The following PALS1 variants were observed in gnomAD, a reference collection of about 807,000 sequenced individuals.
The protein encoded by PALS1 is protein associated with LIN7 1, MAGUK p55 family member.
In PALS1, 31 loss-of-function variants were observed where a neutral mutation model predicts 78.9. The observed-to-expected ratio is 0.39, with a 90% CI of 0.30 to 0.53. The LOEUF is 0.53. Among genes scored for constraint, PALS1 ranks in the 20% least tolerant of loss-of-function variants. The pLI is 0.67. For missense variants in PALS1, 704 were observed against 826.5 expected (o/e 0.85, Z 1.82); for synonymous variants, 276 against 270.9 (o/e 1.02, Z -0.18).
intron 8 of PALS1, among the ~76,000 whole-genome samples, chr14:67,309,001 A>G (rs2085050260): frequency 6.6e-6 from 1 of 152,060 alleles, no homozygotes; most frequent in Admixed American, 6.6e-5. Context: ...CAGCTTATAG[A>G]TATTAAAAAA....
intron 3 of PALS1, among the ~76,000 whole-genome samples, chr14:67,290,718 A>G (rs2084758251): frequency 1.3e-5 from 2 of 151,952 alleles, no homozygotes; most frequent in Admixed American, 6.6e-5. Context: ...TTTTTTTAGT[A>G]GAGACAGGGC....
chr14:67,307,620 C>A (rs985843644), intron 8 of PALS1, among the ~76,000 whole-genome samples: 1 of 151,990 alleles, frequency 6.6e-6, no homozygotes, highest in African/African-American at 2.4e-5. Flanking sequence ...ACATTTATTT[C>A]TTGGTGGATG....
Position 67,321,214 on chromosome 14 carries a change from A to G in PALS1, c.1695A>G (p.Gln565=). The G allele has an allele frequency of 6.2e-7, 1 of 1,614,244 alleles. No homozygotes were observed. Among genetic ancestry groups the G allele is most frequent in the Non-Finnish European group, 8.5e-7 (1 of 1,180,032 alleles). ...LYGTSIDSVR[Q]VINSGKICLL... ...GAACTAGCATAGATTCTGTACGGCA[A>G]GTGATCAACTCTGGCAAAATATGTC... Residue 565 remains glutamine, a synonymous_variant, in exon 13 of 15, where the codon CAA becomes CAG. Transcript: ENST00000261681.
intron 3 of PALS1, among the ~76,000 whole-genome samples, chr14:67,289,052 C>T (rs1486109528): frequency 4.6e-5 from 7 of 150,694 alleles, no homozygotes; most frequent in South Asian, 2.1e-4. Context: ...CTGCAACCTC[C>T]GCCACCCAGG....
At chr14:67,308,890 A>G (rs557741908) in intron 8 of PALS1, among the ~76,000 whole-genome samples, 3 of 152,322 alleles carry the variant, frequency 2.0e-5, no homozygotes, top group Admixed American at 1.3e-4. Flanking sequence ...TTGAAAAACA[A>G]TATTTTGGAA....
At chr14:67,305,530 C>T (rs2084989721) in intron 8 of PALS1, among the ~76,000 whole-genome samples, 1 of 152,254 alleles carries the variant, frequency 6.6e-6, no homozygotes, top group South Asian at 2.1e-4. Context: ...GTCCACCCGC[C>T]TCGGCCTCCC....
intron 13 of PALS1, 25 bp from the exon 14 acceptor site, chr14:67,323,677 T>G (rs1413663151): frequency 9.0e-7 from 1 of 1,105,262 alleles, no homozygotes; most frequent in Non-Finnish European, 1.3e-6. Flanking sequence ...CAAATTATTT[T>G]AAAAATCAAA....
chr14:67,278,930 G>A (rs117777678), intron 2 of PALS1, 88 bp from the exon 3 acceptor site: 4,206 of 325,368 alleles, frequency 0.013, 38 homozygotes, highest in Non-Finnish European at 0.017. Flanking sequence ...TATTTTCTAC[G>A]TTGTATGGTG....
intron 1 of PALS1, among the ~76,000 whole-genome samples, chr14:67,242,643 A>G (rs761214480): frequency 3.3e-5 from 5 of 151,796 alleles, no homozygotes; most frequent in Non-Finnish European, 7.4e-5. Context: ...TTTTTTTACT[A>G]GATCCCTGTG....
chr14:67,317,038 G>A, intron 10 of PALS1, 135 bp downstream of exon 10: 1 of 636,562 alleles, frequency 1.6e-6, no homozygotes, highest in Admixed American at 3.1e-5. Context: ...GATTATCTCA[G>A]AACTGTAAAG....
chr14:67,287,307 T>G (rs2140770504), intron 3 of PALS1, among the ~76,000 whole-genome samples: 1 of 104,876 alleles, frequency 9.5e-6, no homozygotes, highest in Middle Eastern at 4.6e-3. Flanking sequence ...ATTTCCTTAG[T>G]TTTTTTTTTC....
Position 67,316,979 on chromosome 14 carries a change from A to G in PALS1, c.1297+76A>G, listed in dbSNP as rs1387216795. 4 of 1,113,892 alleles carry G rather than the reference A, an allele frequency of 3.6e-6. No homozygotes were observed. The African/African-American group carries it at 6.3e-5, about 17-fold the overall frequency. 69.0% of individuals were successfully genotyped at this position (1,113,892 alleles called of 1,614,324 possible). ...GGAGCCATGTGTGAATCTGCATATT[A>G]GAACCGTGAAGAAGTACTCAGGGAA... On this transcript the variant is annotated intron_variant, in intron 10 of 14. Transcript: ENST00000261681.
At chr14:67,280,169 C>T (rs1048956750) in intron 3 of PALS1, among the ~76,000 whole-genome samples, 1 of 152,184 alleles carries the variant, frequency 6.6e-6, no homozygotes, top group African/African-American at 2.4e-5. Flanking sequence ...CGGGACTTCT[C>T]ATAGCTGTTA....
chr14:67,321,617 C>T (rs1172781251), intron 13 of PALS1, among the ~76,000 whole-genome samples: 3 of 152,094 alleles, frequency 2.0e-5, no homozygotes, highest in East Asian at 3.8e-4. Context: ...TTTATATACA[C>T]CTTATTTACT....
At chr14:67,252,695 C>T (rs1451218733) in intron 1 of PALS1, among the ~76,000 whole-genome samples, 1 of 152,168 alleles carries the variant, frequency 6.6e-6, no homozygotes, top group Non-Finnish European at 1.5e-5. Context: ...AAGACCCACA[C>T]ATTTGATGTC....
intron 1 of PALS1, among the ~76,000 whole-genome samples, chr14:67,264,760 T>C (rs1167183056): frequency 6.6e-6 from 1 of 152,196 alleles, no homozygotes; most frequent in Admixed American, 6.5e-5. Context: ...CCTAGAATCA[T>C]GGGGTGAGAA....
chr14:67,305,826 A>G (rs2084994273), intron 8 of PALS1, among the ~76,000 whole-genome samples: 1 of 152,232 alleles, frequency 6.6e-6, no homozygotes, highest in African/African-American at 2.4e-5. Flanking sequence ...TTGATTAAGA[A>G]TAAAAGGCTG....
At chr14:67,273,032 C>T (rs116477837) in intron 2 of PALS1, among the ~76,000 whole-genome samples, 145 of 152,096 alleles carry the variant, frequency 9.5e-4, no homozygotes, top group African/African-American at 3.2e-3. Context: ...AGTTGAGGAC[C>T]GCATTTCTAA....
rs140719501 is a variant in PALS1 at position 67,279,349 on chromosome 14, G to A, written c.179G>A (p.Arg60Gln). 3.7e-6 allele frequency: 6 copies of A among 1,613,772 alleles called. No individual in the cohort carries two copies. The African/African-American group carries it at 4.0e-5, about 11-fold the overall frequency. The change falls in exon 3 of 15, where the codon CGG becomes CAG. Residue 60 changes from arginine (R) to glutamine (Q), a missense_variant. Arg to Gln is a conservative substitution (Grantham distance 43, BLOSUM62 1). Transcript: ENST00000261681. ...CGAAGTGCACAGTTGGAGCGTATTC[G>A]GCAACAACAGGAGGACATGAGGCGT... is the stretch of plus-strand genomic sequence containing the variant. ...IRRSAQLERI[R>Q]QQQEDMRRRR...
Sources: gnomAD v4.1 joint callset for allele counts (sites outside exome capture counted in the v4.1 genomes callset) on GRCh38, gnomAD v4.1.1 for gene constraint, MANE v1.5 for transcripts, NCBI Gene and HGNC (gene_info 2026-07-23, HGNC 2026-07-21) for gene names.